Variants in PRIMA1 observed in about 807,000 individuals in gnomAD.
PRIMA1 encodes proline rich membrane anchor 1, also known as proline-rich membrane anchor 1.
Under a neutral mutation model 17.5 loss-of-function variants are expected in PRIMA1, and 7 were observed. That is an observed-to-expected ratio of 0.40 (90% CI 0.23 to 0.75). The LOEUF is 0.75. Ranked by LOEUF, PRIMA1 falls within the 30% of genes least tolerant of loss-of-function variation. The pLI, the probability that PRIMA1 is intolerant of heterozygous loss-of-function variation, is 0.37. For synonymous variants in PRIMA1, 97 were observed against 77.9 expected, an observed-to-expected ratio of 1.25 and a Z score of -1.29; for missense variants, 200 against 201.8, an observed-to-expected ratio of 0.99 and a Z score of 0.05.
At chr14:93,781,464 C>T (rs1885373976) in intron 2 of PRIMA1, among the ~76,000 whole-genome samples, 1 of 152,220 alleles carries the variant, frequency 6.6e-6, no homozygotes, top group South Asian at 2.1e-4. Flanking sequence ...GAACTTCAAG[C>T]AATACCATTG....
At chr14:93,778,924 G>A (rs1885300446) in intron 3 of PRIMA1, among the ~76,000 whole-genome samples, 1 of 151,986 alleles carries the variant, frequency 6.6e-6, no homozygotes, top group Non-Finnish European at 1.5e-5. Flanking sequence ...TCCAGGCCAA[G>A]TCACTCATCA....
intron 3 of PRIMA1, among the ~76,000 whole-genome samples, chr14:93,756,814 G>A (rs1271288738): frequency 1.3e-5 from 2 of 152,030 alleles, no homozygotes; most frequent in East Asian, 3.9e-4. Flanking sequence ...TCAGGAACCC[G>A]GGTCTTTCGG....
intron 4 of PRIMA1, among the ~76,000 whole-genome samples, chr14:93,727,033 T>C (rs2076082405): frequency 6.6e-6 from 1 of 152,144 alleles, no homozygotes; most frequent in Non-Finnish European, 1.5e-5. Context: ...ACAAAAAGCC[T>C]TTCTGAGCCT....
chr14:93,752,336 A>T (rs2076264702), intron 3 of PRIMA1, among the ~76,000 whole-genome samples: 1 of 152,192 alleles, frequency 6.6e-6, no homozygotes, highest in African/African-American at 2.4e-5. Context: ...AGGGCTTGGG[A>T]GACCGCAGGA....
Position 93,740,634 on chromosome 14 carries a change from C to T in PRIMA1, c.230-3264G>A, listed in dbSNP as rs143537241. ...AGGACCACAGACAGTCACACCGACA[C>T]TCCTGTGGCTGGGGACAGAGCTACC... On this transcript the variant is annotated intron_variant, in intron 3 of 4. Transcript: ENST00000393140. 2.3e-3 allele frequency among the ~76,000 whole-genome samples: 350 copies of T among 152,374 alleles called. 2 individuals carry two copies. The highest frequency in any genetic ancestry group is 0.022 in the South Asian group (105 of 4,830).
At chr14:93,765,485 T>C (rs1204505951) in intron 3 of PRIMA1, among the ~76,000 whole-genome samples, 3 of 149,046 alleles carry the variant, frequency 2.0e-5, no homozygotes, top group Non-Finnish European at 4.4e-5. Context: ...CTTGGCAGAG[T>C]GGCCACCCTG....
chr14:93,736,184 C>T lies in PRIMA1; in HGVS notation c.359+1057G>A, dbSNP rs558000691. The stretch of plus-strand genomic sequence containing the variant: ...TCTGTTCTTAGCCCAACACTGGAGT[C>T]GAACTCGTCAATAACCCTGAAACAC... On this transcript the variant is annotated intron_variant, in intron 4 of 4. Coordinates refer to ENST00000393140, the MANE Select transcript of PRIMA1 (RefSeq NM_178013.4). 3.9e-5 allele frequency among the ~76,000 whole-genome samples: 6 copies of T among 152,314 alleles called. No individual in the cohort carries two copies. In the East Asian group the frequency reaches 9.7e-4, roughly 25 times the overall value.
In PRIMA1 at chr14:93,737,450, G is replaced by C. The variant is rs559240726; in HGVS notation, c.230-80C>G. ...TGACAGAGGTGGGACCATCATGGGT[G>C]ACACCAACAGAGGCGTGGGGAGGTC... On this transcript the variant is annotated intron_variant, in intron 3 of 4. Coordinates refer to ENST00000393140, the MANE Select transcript of PRIMA1 (RefSeq NM_178013.4). 137 of 1,524,994 alleles carry C rather than the reference G, an allele frequency of 9.0e-5. 1 individual carries two copies. The South Asian group carries it at 1.6e-3, about 18-fold the overall frequency. 94.5% of individuals were successfully genotyped at this position (1,524,994 alleles called of 1,614,324 possible).
chr14:93,741,470 G>A (rs2076183890), intron 3 of PRIMA1, among the ~76,000 whole-genome samples: 1 of 152,208 alleles, frequency 6.6e-6, no homozygotes, highest in Non-Finnish European at 1.5e-5. Flanking sequence ...ATAGCATCAT[G>A]AAGGTGCTCA....
chr14:93,734,710 TG>T (rs1443564124), intron 4 of PRIMA1, among the ~76,000 whole-genome samples: 2 of 150,620 alleles, frequency 1.3e-5, no homozygotes, highest in Non-Finnish European at 3.0e-5. Context: ...TCCCCGCCCA[TG>T]CCTCTAGAAG....
chr14:93,776,749 TAAG>T (rs375495325), intron 3 of PRIMA1, among the ~76,000 whole-genome samples: 14 of 152,336 alleles, frequency 9.2e-5, no homozygotes, highest in African/African-American at 3.4e-4. Context: ...AAACCTGTAA[TAAG>T]AAACTTAAGC....
chr14:93,746,039 TC>T (rs1334145784), intron 3 of PRIMA1, among the ~76,000 whole-genome samples: 3 of 151,782 alleles, frequency 2.0e-5, no homozygotes, highest in African/African-American at 7.3e-5. Context: ...CCCTCCTATA[TC>T]CCCCACCCTC....
At chr14:93,749,022 G>A (rs1452591345) in intron 3 of PRIMA1, among the ~76,000 whole-genome samples, 3 of 152,076 alleles carry the variant, frequency 2.0e-5, no homozygotes, top group African/African-American at 7.2e-5. Context: ...TGGAGAACAC[G>A]TCCCCCTTGT....
chr14:93,776,955 A>G (rs566042391), intron 3 of PRIMA1, among the ~76,000 whole-genome samples: 2 of 152,324 alleles, frequency 1.3e-5, no homozygotes, highest in South Asian at 4.1e-4. Flanking sequence ...TGCATTTATT[A>G]TTATGGTCAC....
intron 3 of PRIMA1, among the ~76,000 whole-genome samples, chr14:93,753,184 A>T (rs75990688): frequency 6.6e-6 from 1 of 152,134 alleles, no homozygotes; most frequent in Non-Finnish European, 1.5e-5. Context: ...AATCCCAGCC[A>T]ATTGAAGGAG....
chr14:93,773,059 CTCCAAGCAGTTAAGGAT>C (rs946518997), intron 3 of PRIMA1, among the ~76,000 whole-genome samples: 7 of 152,202 alleles, frequency 4.6e-5, no homozygotes, highest in African/African-American at 1.7e-4. Context: ...GAAATTGGGG[CTCCAAGCAGTTAAGGAT>C]TCCTTGCCCA....
chr14:93,778,964 G>A (rs1278767973), intron 3 of PRIMA1, among the ~76,000 whole-genome samples: 2 of 152,002 alleles, frequency 1.3e-5, no homozygotes, highest in African/African-American at 4.8e-5. Context: ...CTGATTAACT[G>A]ATGGAGAAAC....
rs1361339513 is a variant in PRIMA1 at position 93,745,554 on chromosome 14, G to GCTCCTCA, written c.230-8191_230-8185dup. Among the ~76,000 whole-genome samples the GCTCCTCA allele has an allele frequency of 5.3e-5, 8 of 152,322 alleles. No individual in the cohort carries two copies. In the East Asian group the frequency reaches 1.4e-3, roughly 26 times the overall value. ...AGGGAGTGGGGCCTCCTTGCCCCAC[G>GCTCCTCA]CTCCTCAATACCGCTGGGGCAGTGC... On this transcript the variant is annotated intron_variant, in intron 3 of 4. Transcript: ENST00000393140.
At chr14:93,778,538 G>A (rs375201178) in intron 3 of PRIMA1, among the ~76,000 whole-genome samples, 6 of 152,232 alleles carry the variant, frequency 3.9e-5, no homozygotes, top group East Asian at 1.9e-4. Flanking sequence ...TGAACCACGT[G>A]AAATACAGAA....
Sources: gnomAD v4.1 joint callset for allele counts (sites outside exome capture counted in the v4.1 genomes callset) on GRCh38, gnomAD v4.1.1 for gene constraint, MANE v1.5 for transcripts, NCBI Gene and HGNC (gene_info 2026-07-23, HGNC 2026-07-21) for gene names.